DIP2A: variants seen among roughly 807,000 people sequenced by gnomAD.
DIP2A encodes the protein DIP2 acetate--CoA ligase A.
In DIP2A, 85 loss-of-function variants were observed where a neutral mutation model predicts 177.4. The ratio of observed to expected loss-of-function variants is 0.48; its 90% CI spans 0.40 to 0.57. The LOEUF (loss-of-function observed/expected upper bound fraction) is 0.57, where lower values mean the gene tolerates loss of function less well. DIP2A is among the 20% of genes least tolerant of loss of function. The pLI, the probability that DIP2A is intolerant of heterozygous loss-of-function variation, is 0.00. For synonymous variants in DIP2A, 886 were observed against 881.8 expected (o/e 1.00, Z -0.08); for missense variants, 1,791 against 2,100.2 (o/e 0.85, Z 2.88).
chr21:46,508,744 C>T (rs972181574), intron 6 of DIP2A, among the ~76,000 whole-genome samples: 7 of 151,524 alleles, frequency 4.6e-5, no homozygotes, highest in African/African-American at 1.5e-4. Context: ...CTGCTTAGGC[C>T]GGGCGCGGTG....
intron 1 of DIP2A, among the ~76,000 whole-genome samples, chr21:46,472,240 C>G (rs996959251): frequency 5.9e-5 from 9 of 152,204 alleles, no homozygotes; most frequent in Admixed American, 1.3e-4. Flanking sequence ...AGAGGCTTCA[C>G]CAGAAATGAA....
rs1384536505 is a variant in DIP2A, at chr21:46,569,918, T to G, written c.*2296T>G. The G allele has an allele frequency of 6.8e-6, 1 of 147,892 alleles. No individual in the cohort carries two copies. The highest frequency in any genetic ancestry group is 1.5e-5 in the Non-Finnish European group (1 of 67,528). The allele number at this position is 147,892 out of a possible 1,614,324, so 9.2% of individuals were successfully genotyped here. ...ATGTAACATAAACCCTCTCAGGGATTTATTTTTTCTTTTTAAAAATTTTTT... is the reference window on the plus strand; with the variant it reads ...ATGTAACATAAACCCTCTCAGGGATGTATTTTTTCTTTTTAAAAATTTTTT... On this transcript the variant is annotated 3_prime_UTR_variant, in exon 38 of 38. Coordinates refer to ENST00000417564, the MANE Select transcript of DIP2A (RefSeq NM_015151.4).
chr21:46,474,861 C>T lies in DIP2A; in HGVS notation c.92-9896C>T, dbSNP rs184400692. Reference sequence around the variant, plus strand: ...GGTGGATCAGAGCAGTGAGGATTATCTGATTAGGGAAGATAGGGATGGAGC... The same window carrying T: ...GGTGGATCAGAGCAGTGAGGATTATTTGATTAGGGAAGATAGGGATGGAGC... On this transcript the variant is annotated intron_variant, in intron 1 of 37. Coordinates refer to ENST00000417564, the MANE Select transcript of DIP2A (RefSeq NM_015151.4). Among the ~76,000 whole-genome samples the T allele has an allele frequency of 2.7e-3, 410 of 152,270 alleles. 5 individuals carry two copies. The highest frequency in any genetic ancestry group is 0.023 in the Admixed American group (344 of 15,272).
intron 2 of DIP2A, among the ~76,000 whole-genome samples, chr21:46,486,502 A>G (rs1484223323): frequency 1.3e-5 from 2 of 152,226 alleles, no homozygotes; most frequent in South Asian, 2.1e-4. Context: ...CCTTAATTTA[A>G]TTAGTTTAAA....
intron 16 of DIP2A, 108 bp downstream of exon 16, chr21:46,538,710 A>C (rs993380780): frequency 7.0e-7 from 1 of 1,423,514 alleles, no homozygotes; most frequent in Non-Finnish European, 9.4e-7. Context: ...TGCCATTGTC[A>C]TATAGATACA....
chr21:46,554,677 C>T lies in DIP2A; in HGVS notation c.3257C>T (p.Thr1086Ile). The change falls in exon 27 of 38, where the codon ACC becomes ATC. Residue 1086 changes from threonine (T) to isoleucine (I), a missense_variant. By Grantham distance (89) the Thr-to-Ile change is moderately conservative. Coordinates refer to ENST00000417564, the MANE Select transcript of DIP2A (RefSeq NM_015151.4). ...HPQNLGTTLP[T>I]VKMIVEVSKS... ...CAGAACCTCGGCACCACACTGCCCA[C>T]CGTCAAGATGATCGTGGAGGTGCGC... 1 of 1,572,912 alleles carries T rather than the reference C, an allele frequency of 6.4e-7. No homozygotes were observed. Among genetic ancestry groups the T allele is most frequent in the Non-Finnish European group, 8.6e-7 (1 of 1,159,960 alleles).
In DIP2A at chr21:46,567,708, A is replaced by G; in HGVS notation, c.*86A>G. 1 of 1,486,182 alleles carries G rather than the reference A, an allele frequency of 6.7e-7. No individual in the cohort carries two copies. The highest frequency in any genetic ancestry group is 9.0e-7 in the Non-Finnish European group (1 of 1,115,590). 92.1% of individuals were successfully genotyped at this position (1,486,182 alleles called of 1,614,324 possible). ...TGGGAAGACACCGCAGAGCTCACTC[A>G]CCGGGACTCGCCCTTCCTGTGCTCT... On this transcript the variant is annotated 3_prime_UTR_variant, in exon 38 of 38. Transcript: ENST00000417564.
chr21:46,481,954 G>A (rs2056370646), intron 1 of DIP2A, among the ~76,000 whole-genome samples: 1 of 152,164 alleles, frequency 6.6e-6, no homozygotes, highest in African/African-American at 2.4e-5. Flanking sequence ...CAGAGGCTGA[G>A]GCAGGAGAAT....
chr21:46,539,241 G>GA (rs2148804299), intron 16 of DIP2A: 1 of 163,068 alleles, frequency 6.1e-6, no homozygotes, highest in East Asian at 1.9e-4. Flanking sequence ...TGTTGACCAG[G>GA]TATTAGGGGT....
At chr21:46,503,520 T>G (rs1035733763) in intron 5 of DIP2A, among the ~76,000 whole-genome samples, 2 of 152,018 alleles carry the variant, frequency 1.3e-5, no homozygotes, top group African/African-American at 4.8e-5. Context: ...AACAAAAAAA[T>G]GTACCAGTGA....
chr21:46,511,845 A>T (rs1601597998), intron 8 of DIP2A, among the ~76,000 whole-genome samples: 1 of 152,186 alleles, frequency 6.6e-6, no homozygotes, highest in East Asian at 1.9e-4. Context: ...CTATGTATGC[A>T]TTCTGAACAG....
At chr21:46,508,317 T>A (rs1184746846) in intron 6 of DIP2A, among the ~76,000 whole-genome samples, 2 of 151,256 alleles carry the variant, frequency 1.3e-5, no homozygotes, top group Non-Finnish European at 2.9e-5. Flanking sequence ...GTGCTGGGAT[T>A]ACAGCTGTGA....
At chr21:46,469,389 A>T (rs761557272) in intron 1 of DIP2A, 1 of 152,208 alleles carries the variant, frequency 6.6e-6, no homozygotes, top group Non-Finnish European at 1.5e-5. Flanking sequence ...GTTGAATCAG[A>T]GTGTGGCCTT....
intron 8 of DIP2A, among the ~76,000 whole-genome samples, chr21:46,519,292 G>A (rs186016046): frequency 7.2e-5 from 11 of 152,232 alleles, no homozygotes; most frequent in Admixed American, 5.9e-4. Flanking sequence ...TGTATCTTGT[G>A]CCGACCTCCT....
rs77074003 is a variant in DIP2A, at chr21:46,537,667, G to A, written c.1801+128G>A. The stretch of plus-strand genomic sequence containing the variant: ...GATGTAGGCTGAAGAGCTGTGGGAC[G>A]TCTTTCTTGGTCACACCCCTGCCCA... On this transcript the variant is annotated intron_variant, in intron 15 of 37. Transcript: ENST00000417564. The surrounding 1 kb of genome is among the most constrained non-coding windows in gnomAD (Gnocchi z 4.1). The A allele has an allele frequency of 5.2e-4, 455 of 879,194 alleles. 3 individuals carry two copies. The African/African-American group carries it at 7.1e-3, about 14-fold the overall frequency. 54.5% of individuals were successfully genotyped at this position (879,194 alleles called of 1,614,324 possible). A position where few individuals can be genotyped will look rare whatever the true frequency, so the allele number is the denominator to read the frequency against.
At chr21:46,499,246 C>T (rs981856966) in intron 5 of DIP2A, among the ~76,000 whole-genome samples, 4 of 152,170 alleles carry the variant, frequency 2.6e-5, no homozygotes, top group Non-Finnish European at 4.4e-5. Flanking sequence ...TCCTTTGGGG[C>T]ATGGGGCATT....
intron 1 of DIP2A, among the ~76,000 whole-genome samples, chr21:46,463,701 TG>T (rs1568890246): frequency 2.6e-5 from 4 of 151,534 alleles, no homozygotes; most frequent in African/African-American, 9.7e-5. Flanking sequence ...TGTGTGTGTG[TG>T]TGTGTGTGTG....
intron 8 of DIP2A, among the ~76,000 whole-genome samples, chr21:46,524,091 GAA>G (rs1004147785): frequency 6.6e-6 from 1 of 152,160 alleles, no homozygotes; most frequent in African/African-American, 2.4e-5. Flanking sequence ...CTTTTGGGGA[GAA>G]AAAATGCTCC....
At chr21:46,574,222 AAATT>A (rs745325530), downstream of DIP2A, among the ~76,000 whole-genome samples, 22 of 152,312 alleles carry the variant, frequency 1.4e-4, no homozygotes, top group African/African-American at 3.8e-4. Flanking sequence ...AAATTAGTGA[AAATT>A]AACACACTTT....
Sources: gnomAD v4.1 joint callset for allele counts (sites outside exome capture counted in the v4.1 genomes callset) on GRCh38, gnomAD v4.1.1 for gene constraint, Gnocchi (gnomAD v3.1) non-coding constraint, MANE v1.5 for transcripts, NCBI Gene and HGNC (gene_info 2026-07-23, HGNC 2026-07-21) for gene names.